Variants in TRAPPC2B observed in about 807,000 individuals in gnomAD.
The protein encoded by TRAPPC2B is MBP-1 interacting protein-2A.
A neutral mutation model predicts 8.4 loss-of-function variants in TRAPPC2B; 5 were observed. The observed-to-expected ratio is 0.59, with a 90% CI of 0.31 to 1.25. The LOEUF (loss-of-function observed/expected upper bound fraction) is 1.25. Ranked by LOEUF, TRAPPC2B falls within the 50% of genes most tolerant of loss-of-function variation. TRAPPC2B has a pLI of 0.06. For synonymous variants in TRAPPC2B, 46 were observed against 58.1 expected, an observed-to-expected ratio of 0.79 and a Z score of 0.95; for missense variants, 161 against 173.2, an observed-to-expected ratio of 0.93 and a Z score of 0.40.
Position 57,365,084 on chromosome 19 carries a change from T to C in TRAPPC2B, c.251T>C (p.Ile84Thr), listed in dbSNP as rs2088456237. 1 of 1,609,744 alleles carries C rather than the reference T, an allele frequency of 6.2e-7. No individual in the cohort carries two copies. ...AFVTAGHMRF[I>T]MLHDIRQEDG... ...GTCACCGCGGGGCATATGAGGTTTATTATGCTTCATGACATAAGACAAGAA... is the reference window on the plus strand; with the variant it reads ...GTCACCGCGGGGCATATGAGGTTTACTATGCTTCATGACATAAGACAAGAA... The change falls in exon 2 of 2, where the codon ATT becomes ACT. Residue 84 changes from isoleucine (I) to threonine (T), a missense_variant. Physicochemically the swap from Ile to Thr is moderately conservative, Grantham distance 89. Transcript: ENST00000543226.
chr19:57,365,368 T>C lies in TRAPPC2B; in HGVS notation c.*112T>C. On this transcript the variant is annotated 3_prime_UTR_variant, in exon 2 of 2. Transcript: ENST00000543226. ...TGGAAATCTTTTGTGTATTCTCAGC[T>C]TATCTAAACTTAATGAAATTTCTTT... 4.1e-6 allele frequency: 3 copies of C among 738,906 alleles called. No individual in the cohort carries two copies. The highest frequency in any genetic ancestry group is 6.7e-6 in the Non-Finnish European group (3 of 446,656). The allele number at this position is 738,906 out of a possible 1,614,324, so 45.8% of individuals were successfully genotyped here.
intron 1 of TRAPPC2B, 28 bp downstream of exon 1, chr19:57,363,731 C>CCCA (rs374592293): frequency 0.23 from 33,913 of 150,398 alleles, 3,756 homozygotes; most frequent in African/African-American, 0.28. Flanking sequence ...GGCCCCCCCC[C>CCCA]ACCTCCGCCC....
chr19:57,364,672 TG>T, intron 1 of TRAPPC2B, 142 bp from the exon 2 acceptor site: 1 of 641,368 alleles, frequency 1.6e-6, no homozygotes, highest in South Asian at 1.9e-5. Context: ...ACCCAGGAGG[TG>T]GAGATTGCAG....
At chr19:57,363,747 C>T (rs1568523266) in intron 1 of TRAPPC2B, 44 bp downstream of exon 1, 2 of 153,258 alleles carry the variant, frequency 1.3e-5, no homozygotes, top group Non-Finnish European at 2.9e-5. Context: ...CGCCCGACCC[C>T]TCCTTCCAGT....
At chr19:57,364,340 G>A (rs1191135696) in intron 1 of TRAPPC2B, 1 of 158,978 alleles carries the variant, frequency 6.3e-6, no homozygotes, top group Non-Finnish European at 1.4e-5. Flanking sequence ...ATCATGGGTT[G>A]GAGTTTGGCC....
At chr19:57,364,447 A>G (rs1461233979) in intron 1 of TRAPPC2B, 2 of 198,514 alleles carry the variant, frequency 1.0e-5, no homozygotes, top group African/African-American at 2.4e-5. Context: ...AGATTCTTCA[A>G]AAGAATAGAG....
At chr19:57,364,766 C>G (rs1357455282) in intron 1 of TRAPPC2B, 49 bp from the exon 2 acceptor site, 15 of 1,364,494 alleles carry the variant, frequency 1.1e-5, no homozygotes, top group Admixed American at 5.9e-5. Flanking sequence ...GCGCGGGTCT[C>G]TTCCGCGGAA....
At position 57,363,687 on chromosome 19, in the gene TRAPPC2B, C is replaced by T; in HGVS notation, c.-36C>T. 6.6e-6 allele frequency: 1 copy of T among 152,604 alleles called. No homozygotes were observed. The highest frequency in any genetic ancestry group is 1.8e-4 in the South Asian group (1 of 5,624). 9.5% of individuals were successfully genotyped at this position (152,604 alleles called of 1,614,324 possible). On this transcript the variant is annotated 5_prime_UTR_variant, in exon 1 of 2. Transcript: ENST00000543226. ...TTCCCTGGCTGGACTTGCGGAGTCC[C>T]CGCCGAAGAACCCGAGGTGGGTGCC...
Position 57,365,198 on chromosome 19 carries a change from G to A in TRAPPC2B, c.365G>A (p.Arg122Gln). 1.3e-6 allele frequency: 2 copies of A among 1,590,436 alleles called. No homozygotes were observed. Among genetic ancestry groups the A allele is most frequent in the South Asian group, 1.1e-5 (1 of 88,354 alleles). The change falls in exon 2 of 2, where the codon CGA becomes CAA. Residue 122 changes from arginine to glutamine, a missense_variant. By Grantham distance (43) the Arg-to-Gln change is conservative. Transcript: ENST00000543226. ...NPFYEPNSPI[R>Q]SSAFDRKVQF... ...TTTTATGAACCCAATTCTCCTATTC[G>A]ATCAAGTGCATTTGACAGAAAAGTT...
At chr19:57,364,466 G>GAT in intron 1 of TRAPPC2B, 1 of 242,418 alleles carries the variant, frequency 4.1e-6, no homozygotes. Context: ...AGGGTGGCCG[G>GAT]GCGTGGTGGC....
Position 57,365,151 on chromosome 19 carries a change from T to C in TRAPPC2B, c.318T>C (p.Tyr106=). 2.5e-6 allele frequency: 4 copies of C among 1,597,490 alleles called. No individual in the cohort carries two copies. The highest frequency in any genetic ancestry group is 3.4e-6 in the Non-Finnish European group (4 of 1,170,228). ...TCTTTACTGATGTTTATGATTTATATATAAAATTTTCAATGAATCCATTTT... is the reference window on the plus strand; with the variant it reads ...TCTTTACTGATGTTTATGATTTATACATAAAATTTTCAATGAATCCATTTT... ...KNFFTDVYDL[Y]IKFSMNPFYE... is the part of the protein sequence containing the mutation. The change falls in exon 2 of 2, where the codon TAT becomes TAC. Residue 106 remains tyrosine (Y), a synonymous_variant. Transcript: ENST00000543226.
rs577104372 is a variant in TRAPPC2B, at chr19:57,364,596, C to T, written c.-19-219C>T. 2.3e-5 allele frequency: 13 copies of T among 570,912 alleles called. 1 individual carries two copies. In the South Asian group the frequency reaches 2.5e-4, roughly 11 times the overall value. 35.4% of individuals were successfully genotyped at this position (570,912 alleles called of 1,614,324 possible). A position where few individuals can be genotyped will look rare whatever the true frequency, so the allele number is the denominator to read the frequency against. ...TCTTTAGTAAAAATACAAAAATTAG[C>T]CGGGGGTGGTGACGCGCGCCTGTAA... On this transcript the variant is annotated intron_variant, in intron 1 of 1. Transcript: ENST00000543226.
Position 57,365,397 on chromosome 19 carries a change from A to T in TRAPPC2B, c.*141A>T, listed in dbSNP as rs989242675. The T allele has an allele frequency of 7.7e-6, 5 of 647,752 alleles. No homozygotes were observed. The highest frequency in any genetic ancestry group is 1.3e-5 in the Non-Finnish European group (5 of 372,200). The allele number at this position is 647,752 out of a possible 1,614,324, so 40.1% of individuals were successfully genotyped here. On this transcript the variant is annotated 3_prime_UTR_variant, in exon 2 of 2. Transcript: ENST00000543226. ...CTAAACTTAATGAAATTTCTTTTAT[A>T]TTTAAAAATAGTACATTCTGTCTCA...
In TRAPPC2B at chr19:57,363,580, A is replaced by C. The variant is rs973612424; in HGVS notation, c.-143A>C. ...GCAGAGGCGGTAGTGACACAGGCAC[A>C]ACTGACAGTGGCAGAAGCTCAGCTG... On this transcript the variant is annotated 5_prime_UTR_variant, in exon 1 of 2. Coordinates refer to ENST00000543226, the MANE Select transcript of TRAPPC2B (RefSeq NM_001355204.2). 5 of 152,854 alleles carry C rather than the reference A, an allele frequency of 3.3e-5. No individual in the cohort carries two copies. Among genetic ancestry groups the C allele is most frequent in the African/African-American group, 9.6e-5 (4 of 41,470 alleles). 9.5% of individuals were successfully genotyped at this position (152,854 alleles called of 1,614,324 possible).
chr19:57,364,245 G>T (rs1413482161), intron 1 of TRAPPC2B: 1 of 155,946 alleles, frequency 6.4e-6, no homozygotes, highest in Admixed American at 6.2e-5. Flanking sequence ...AGGGAGTGAA[G>T]GGTCATTTTT....
rs183496361 is a variant in TRAPPC2B, at chr19:57,364,556, C to T, written c.-19-259C>T. 185 of 484,286 alleles carry T rather than the reference C, an allele frequency of 3.8e-4. 3 individuals carry two copies. In the East Asian group the frequency reaches 6.7e-3, roughly 18 times the overall value. The allele number at this position is 484,286 out of a possible 1,614,324, so 30.0% of individuals were successfully genotyped here. A position where few individuals can be genotyped will look rare whatever the true frequency, so the allele number is the denominator to read the frequency against. Reference sequence around the variant, plus strand: ...AGGCGTTCAAGACCAGCCTGACCAACATGGTGAAACCCCGTCTTTAGTAAA... The same window carrying T: ...AGGCGTTCAAGACCAGCCTGACCAATATGGTGAAACCCCGTCTTTAGTAAA... On this transcript the variant is annotated intron_variant, in intron 1 of 1. Transcript: ENST00000543226.
At chr19:57,364,385 C>T in intron 1 of TRAPPC2B, 1 of 171,532 alleles carries the variant, frequency 5.8e-6, no homozygotes, top group Non-Finnish European at 1.3e-5. Context: ...TTGAAAATGT[C>T]ACATGGGTAG....
At position 57,365,260 on chromosome 19, in the gene TRAPPC2B, G is replaced by A. The variant is rs1043316; in HGVS notation, c.*4G>A. The A allele has an allele frequency of 2.5e-5, 38 of 1,544,128 alleles. No homozygotes were observed. The Admixed American group carries it at 7.1e-4, about 29-fold the overall frequency. On this transcript the variant is annotated 3_prime_UTR_variant, in exon 2 of 2. Transcript: ENST00000543226. ...GAAGAAACACCTTTTAAGCTGAATGGAGAAAATTCCAAAATAAATTATATC... is the reference window on the plus strand; with the variant it reads ...GAAGAAACACCTTTTAAGCTGAATGAAGAAAATTCCAAAATAAATTATATC...
At chr19:57,364,714 C>T in intron 1 of TRAPPC2B, 101 bp from the exon 2 acceptor site, 1 of 861,252 alleles carries the variant, frequency 1.2e-6, no homozygotes, top group Non-Finnish European at 1.8e-6. Flanking sequence ...GCACTCCAGC[C>T]TGGGCGACAG....
Sources: gnomAD v4.1 joint callset for allele counts on GRCh38, gnomAD v4.1.1 for gene constraint, MANE v1.5 for transcripts, NCBI Gene and HGNC (gene_info 2026-07-23, HGNC 2026-07-21) for gene names.